The following GTF3C2 variants were observed in gnomAD, a reference collection of about 807,000 sequenced individuals.
GTF3C2 encodes the protein general transcription factor IIIC subunit 2.
Under a neutral mutation model 117.4 loss-of-function variants are expected in GTF3C2, and 17 were observed. The observed-to-expected ratio is 0.14, with a 90% confidence interval of 0.10 to 0.22. The LOEUF (loss-of-function observed/expected upper bound fraction) is 0.22, where lower values mean the gene tolerates loss of function less well. GTF3C2 is among the 10% of genes least tolerant of loss of function. The probability of loss-of-function intolerance (pLI) is 1.00; values close to 1 mark genes in which losing one functional copy is unlikely to be tolerated. For synonymous variants in GTF3C2, 437 were observed against 427.0 expected, an observed-to-expected ratio of 1.02 and a Z score of -0.29; for missense variants, 888 against 1,143.6, an observed-to-expected ratio of 0.78 and a Z score of 3.22.
chr2:27,344,799 C>T (rs531203517), intron 1 of GTF3C2, among the ~76,000 whole-genome samples: 1 of 151,920 alleles, frequency 6.6e-6, no homozygotes, highest in South Asian at 2.1e-4. Context: ...GTCTGGGCAA[C>T]ATAGGGAGAC....
chr2:27,338,096 C>T (rs1255192889), intron 4 of GTF3C2, 76 bp from the exon 5 acceptor site: 11 of 866,914 alleles, frequency 1.3e-5, no homozygotes, highest in Non-Finnish European at 2.2e-5. Flanking sequence ...AGCTCTTTCC[C>T]AGTTTTTATC....
At chr2:27,343,473 G>T in exon 2 of GTF3C2, 1 of 1,614,050 alleles carries the variant, frequency 6.2e-7, no homozygotes, top group South Asian at 1.1e-5. Flanking sequence ...AGCACCTCTT[G>T]TCCAGGAGAG....
exon 17 of GTF3C2, chr2:27,328,074 A>C: frequency 6.2e-7 from 1 of 1,611,060 alleles, no homozygotes; most frequent in Non-Finnish European, 8.5e-7. Flanking sequence ...GTGATGGTTG[A>C]CAGTTTCAGT....
intron 1 of GTF3C2, among the ~76,000 whole-genome samples, chr2:27,353,028 G>A (rs1681189595): frequency 6.6e-6 from 1 of 152,006 alleles, no homozygotes; most frequent in Non-Finnish European, 1.5e-5. Context: ...ATTCAATTTA[G>A]TTTTAGTTTG....
At chr2:27,353,954 G>A (rs1163191608) in intron 1 of GTF3C2, among the ~76,000 whole-genome samples, 2 of 151,014 alleles carry the variant, frequency 1.3e-5, no homozygotes, top group East Asian at 3.9e-4. Flanking sequence ...AAATTCCTGG[G>A]CTCAAGTGAT....
At chr2:27,330,304 C>CA (rs1184443444) in intron 12 of GTF3C2, among the ~76,000 whole-genome samples, 16 of 149,368 alleles carry the variant, frequency 1.1e-4, no homozygotes, top group African/African-American at 2.9e-4. Context: ...ACTAAAAATA[C>CA]AAAAAAAAAT....
chr2:27,326,873 C>T, exon 19 of GTF3C2: 3 of 1,612,440 alleles, frequency 1.9e-6, no homozygotes, highest in Non-Finnish European at 2.5e-6. Context: ...CATAGGAGTC[C>T]AGGTTTGGGC....
At chr2:27,332,709 C>T (rs543949309) in intron 12 of GTF3C2, among the ~76,000 whole-genome samples, 12 of 151,722 alleles carry the variant, frequency 7.9e-5, no homozygotes, top group Non-Finnish European at 1.5e-4. Context: ...CCACCGTGCC[C>T]GGCCTAAAAA....
exon 2 of GTF3C2, chr2:27,343,442 G>A (rs1439820537): frequency 1.2e-6 from 2 of 1,613,912 alleles, no homozygotes; most frequent in African/African-American, 1.3e-5. Context: ...TTCTGAAGAG[G>A]TCTTGACATC....
chr2:27,350,616 A>G lies in GTF3C2; in HGVS notation c.-25+6123T>C, dbSNP rs1441097996. The G allele has an allele frequency of 7.6e-6, 4 of 525,362 alleles. No homozygotes were observed. The African/African-American group carries it at 8.3e-5, about 11-fold the overall frequency. 32.5% of individuals were successfully genotyped at this position (525,362 alleles called of 1,614,324 possible). ...GGAGTTCAAGATCAGCCTGGGCAACACAGCAAGACTTTGTCTCTGCAAAAA... is the reference window on the plus strand; with the variant it reads ...GGAGTTCAAGATCAGCCTGGGCAACGCAGCAAGACTTTGTCTCTGCAAAAA... On this transcript the variant is annotated intron_variant, in intron 1 of 18. Coordinates refer to ENST00000264720, the Ensembl canonical transcript of GTF3C2.
exon 19 of GTF3C2, chr2:27,325,864 T>C (rs1021881505): frequency 5.5e-6 from 1 of 180,606 alleles, no homozygotes; most frequent in African/African-American, 2.4e-5. Flanking sequence ...TTGAAGTAAC[T>C]GAAGATATTT....
In GTF3C2 at chr2:27,329,043, C is replaced by T; in HGVS notation, c.2039+78G>A. Reference sequence around the variant, plus strand: ...GTGAACCAACTCTCTACCCTCCTCTCCCCACAACAATCTGGCATGCTTTGC... The same window carrying T: ...GTGAACCAACTCTCTACCCTCCTCTTCCCACAACAATCTGGCATGCTTTGC... On this transcript the variant is annotated intron_variant, in intron 14 of 18. Transcript: ENST00000264720. The surrounding 1 kb of genome is among the most constrained non-coding windows in gnomAD (Gnocchi z 4.5). The T allele has an allele frequency of 6.5e-7, 1 of 1,527,412 alleles. No homozygotes were observed. 94.6% of individuals were successfully genotyped at this position (1,527,412 alleles called of 1,614,324 possible).
chr2:27,339,287 A>G (rs1680626319), intron 4 of GTF3C2, among the ~76,000 whole-genome samples: 1 of 151,734 alleles, frequency 6.6e-6, no homozygotes, highest in Non-Finnish European at 1.5e-5. Flanking sequence ...TGCACCCGTA[A>G]TCTCAGCTAC....
Position 27,328,022 on chromosome 2 carries a change from C to T in GTF3C2, c.2409+15G>A, listed in dbSNP as rs1159350819. ...CTTTTCTAATACCACACCCATTCTC[C>T]TGGCCTCAGCTTACCAAATCTGTGT... On this transcript the variant is annotated intron_variant, in intron 17 of 18. Coordinates refer to ENST00000264720, the Ensembl canonical transcript of GTF3C2. 6.2e-7 allele frequency: 1 copy of T among 1,604,118 alleles called. No homozygotes were observed. The highest frequency in any genetic ancestry group is 1.1e-5 in the South Asian group (1 of 89,720).
intron 12 of GTF3C2, among the ~76,000 whole-genome samples, chr2:27,333,027 T>C (rs1680332774): frequency 6.6e-6 from 1 of 152,100 alleles, no homozygotes; most frequent in Non-Finnish European, 1.5e-5. Context: ...TTTTATTATT[T>C]TTAATGATGA....
intron 12 of GTF3C2, among the ~76,000 whole-genome samples, chr2:27,331,330 CTG>C (rs1680265460): frequency 6.6e-6 from 1 of 152,130 alleles, no homozygotes; most frequent in African/African-American, 2.4e-5. Context: ...AAAAACAACA[CTG>C]TCATTTTGTT....
intron 1 of GTF3C2, among the ~76,000 whole-genome samples, chr2:27,348,270 G>GAAA (rs74532320): frequency 5.2e-5 from 7 of 135,150 alleles, no homozygotes; most frequent in Non-Finnish European, 7.9e-5. Flanking sequence ...CCGTCTGAGG[G>GAAA]AAAAAAAAAA....
intron 12 of GTF3C2, among the ~76,000 whole-genome samples, chr2:27,330,695 T>C (rs1178443532): frequency 1.3e-5 from 2 of 152,112 alleles, no homozygotes; most frequent in Non-Finnish European, 2.9e-5. Flanking sequence ...GCACGATGGC[T>C]CATGCCTGTA....
At chr2:27,338,241 C>T (rs1166624165) in intron 4 of GTF3C2, 3 of 532,030 alleles carry the variant, frequency 5.6e-6, no homozygotes. Flanking sequence ...TACCTATTTT[C>T]TGTTCAGCTT....
Sources: gnomAD v4.1 joint callset for allele counts (sites outside exome capture counted in the v4.1 genomes callset) on GRCh38, gnomAD v4.1.1 for gene constraint, Gnocchi (gnomAD v3.1) non-coding constraint, MANE v1.5 for transcripts, NCBI Gene and HGNC (gene_info 2026-07-23, HGNC 2026-07-21) for gene names.